MSI2: variants seen among roughly 807,000 people sequenced by gnomAD.
The protein encoded by MSI2 is musashi RNA binding protein 2.
A neutral mutation model predicts 45.6 loss-of-function variants in MSI2; 17 were observed. The ratio of observed to expected loss-of-function variants is 0.37; its 90% confidence interval spans 0.26 to 0.56. MSI2 has a LOEUF of 0.56. MSI2 is among the 20% of genes least tolerant of loss of function. MSI2 has a pLI of 0.77. For synonymous variants in MSI2, 156 were observed against 158.2 expected, an observed-to-expected ratio of 0.99 and a Z score of 0.11; for missense variants, 293 against 444.2, an observed-to-expected ratio of 0.66 and a Z score of 3.06.
chr17:57,486,888 C>G (rs910730674), intron 6 of MSI2, among the ~76,000 whole-genome samples: 4 of 152,206 alleles, frequency 2.6e-5, no homozygotes, highest in African/African-American at 9.6e-5. Flanking sequence ...CATGTCCTTA[C>G]TGGCAGGGAT....
At chr17:57,436,878 A>G (rs1220558401) in intron 6 of MSI2, among the ~76,000 whole-genome samples, 4 of 152,156 alleles carry the variant, frequency 2.6e-5, no homozygotes, top group Non-Finnish European at 5.9e-5. Flanking sequence ...TAGAGAAAAC[A>G]TTTTCCCCAC....
intron 7 of MSI2, among the ~76,000 whole-genome samples, chr17:57,584,140 A>G (rs2111017): frequency 0.2 from 29,717 of 151,862 alleles, 3,104 homozygotes; most frequent in African/African-American, 0.26. Context: ...TCCTCACCTC[A>G]TTCCTCCCTG....
At chr17:57,477,363 A>G (rs983020956) in intron 6 of MSI2, among the ~76,000 whole-genome samples, 2 of 152,142 alleles carry the variant, frequency 1.3e-5, no homozygotes, top group Non-Finnish European at 2.9e-5. Flanking sequence ...CCGACTGCCA[A>G]TGAGCCTGGC....
intron 6 of MSI2, among the ~76,000 whole-genome samples, chr17:57,481,617 T>A (rs1344219364): frequency 6.6e-6 from 1 of 152,246 alleles, no homozygotes; most frequent in African/African-American, 2.4e-5. Flanking sequence ...CAACTCTGCC[T>A]TGATTGGCTC....
chr17:57,470,846 T>G (rs957056774), intron 6 of MSI2, among the ~76,000 whole-genome samples: 1 of 152,208 alleles, frequency 6.6e-6, no homozygotes, highest in African/African-American at 2.4e-5. Flanking sequence ...GGCAAGTCGC[T>G]TAAACTCTCT....
intron 6 of MSI2, among the ~76,000 whole-genome samples, chr17:57,405,776 T>A (rs1334649884): frequency 6.6e-6 from 1 of 152,252 alleles, no homozygotes; most frequent in Non-Finnish European, 1.5e-5. Context: ...CAGGTTTTAC[T>A]ATGAAGATCC....
chr17:57,264,669 AC>A (rs1168506785), intron 5 of MSI2: 1 of 152,274 alleles, frequency 6.6e-6, no homozygotes, highest in Non-Finnish European at 1.5e-5. Context: ...TGAGGAGAGT[AC>A]TAGTATGAGC....
intron 10 of MSI2, among the ~76,000 whole-genome samples, chr17:57,635,619 C>T (rs1909777529): frequency 1.3e-5 from 2 of 152,272 alleles, no homozygotes; most frequent in African/African-American, 4.8e-5. Context: ...CCAAACCTCC[C>T]TCCCAGGATA....
chr17:57,257,190 T>G, intron 2 of MSI2, 52 bp downstream of exon 2: 2 of 1,177,866 alleles, frequency 1.7e-6, no homozygotes, highest in Non-Finnish European at 2.3e-6. Flanking sequence ...GGCTTCTTTA[T>G]TGCTCTTTGT....
At chr17:57,562,341 A>G (rs1294409622) in intron 7 of MSI2, among the ~76,000 whole-genome samples, 1 of 152,240 alleles carries the variant, frequency 6.6e-6, no homozygotes, top group African/African-American at 2.4e-5. Context: ...GCCTCTTCTC[A>G]TGGTGCTTTC....
At chr17:57,383,279 G>A (rs1446654120) in intron 5 of MSI2, among the ~76,000 whole-genome samples, 2 of 152,244 alleles carry the variant, frequency 1.3e-5, no homozygotes, top group Non-Finnish European at 2.9e-5. Context: ...GGGCAAGAAA[G>A]GCCTCTTAAA....
At chr17:57,291,871 C>G (rs1026349016) in intron 5 of MSI2, among the ~76,000 whole-genome samples, 2 of 152,036 alleles carry the variant, frequency 1.3e-5, no homozygotes, top group Non-Finnish European at 2.9e-5. Context: ...TGAATGTGCC[C>G]GATCTCATCT....
chr17:57,421,536 T>C (rs2084396082), intron 6 of MSI2, among the ~76,000 whole-genome samples: 1 of 131,986 alleles, frequency 7.6e-6, no homozygotes, highest in Non-Finnish European at 1.7e-5. Context: ...CTCCTCCCCA[T>C]TCATTCTCCT....
At chr17:57,403,153 G>C (rs1160626686) in intron 6 of MSI2, among the ~76,000 whole-genome samples, 1 of 152,164 alleles carries the variant, frequency 6.6e-6, no homozygotes. Flanking sequence ...AATCTCATGG[G>C]CCTATTTGTG....
Position 57,574,996 on chromosome 17 carries a change from A to G in MSI2, c.455-21872A>G, listed in dbSNP as rs1026330204. 6.6e-5 allele frequency among the ~76,000 whole-genome samples: 10 copies of G among 151,862 alleles called. No homozygotes were observed. In the East Asian group the frequency reaches 1.2e-3, roughly 18 times the overall value. ...CAGGTGCCCACCACCACGCCCGGCTAATTTTTTGTGTTTTTAGTAGAGATG... is the reference window on the plus strand; with the variant it reads ...CAGGTGCCCACCACCACGCCCGGCTGATTTTTTGTGTTTTTAGTAGAGATG... On this transcript the variant is annotated intron_variant, in intron 7 of 13. Coordinates refer to ENST00000284073, the MANE Select transcript of MSI2 (RefSeq NM_138962.4).
intron 6 of MSI2, among the ~76,000 whole-genome samples, chr17:57,430,018 T>C: frequency 6.6e-6 from 1 of 152,222 alleles, no homozygotes; most frequent in East Asian, 1.9e-4. Context: ...AACAGATGCA[T>C]GGAAGTCCTC....
At chr17:57,511,820 C>T (rs1256454500) in intron 6 of MSI2, among the ~76,000 whole-genome samples, 2 of 152,170 alleles carry the variant, frequency 1.3e-5, no homozygotes, top group Non-Finnish European at 2.9e-5. Context: ...GCCAGAACCT[C>T]ACCTTCAGGG....
chr17:57,359,420 A>G (rs1036495799), intron 5 of MSI2, among the ~76,000 whole-genome samples: 3 of 152,340 alleles, frequency 2.0e-5, no homozygotes, highest in Non-Finnish European at 2.9e-5. Flanking sequence ...AAGTCCAGTT[A>G]CCAACTTCTG....
chr17:57,572,081 A>G (rs926428629), intron 7 of MSI2, among the ~76,000 whole-genome samples: 4 of 152,146 alleles, frequency 2.6e-5, no homozygotes, highest in African/African-American at 4.8e-5. Context: ...AAATCAATGG[A>G]TCGTAGCCAA....
Sources: gnomAD v4.1 joint callset for allele counts (sites outside exome capture counted in the v4.1 genomes callset) on GRCh38, gnomAD v4.1.1 for gene constraint, MANE v1.5 for transcripts, NCBI Gene and HGNC (gene_info 2026-07-23, HGNC 2026-07-21) for gene names.